The following DPP10 variants were observed in gnomAD, a reference collection of about 807,000 sequenced individuals.
DPP10 encodes dipeptidyl peptidase like 10.
DPP10 carries 33 observed loss-of-function variants against 120.9 expected under a neutral mutation model. That is an observed-to-expected ratio of 0.27 (90% confidence interval 0.21 to 0.37). The LOEUF is 0.37. Ranked by LOEUF, DPP10 falls within the 10% of genes least tolerant of loss-of-function variation. The pLI is 1.00. For missense variants in DPP10, 816 were observed against 942.8 expected (o/e 0.87, Z 1.76); for synonymous variants, 337 against 326.1 (o/e 1.03, Z -0.36).
At chr2:115,067,861 C>G (rs1209183892) in intron 1 of DPP10, among the ~76,000 whole-genome samples, 9 of 86,848 alleles carry the variant, frequency 1.0e-4, no homozygotes, top group Non-Finnish European at 2.1e-4. Flanking sequence ...GACTCTGTCT[C>G]AAAAAAAAAA....
chr2:115,719,847 A>G (rs1163965291), intron 7 of DPP10, among the ~76,000 whole-genome samples: 1 of 152,182 alleles, frequency 6.6e-6, no homozygotes, highest in Admixed American at 6.5e-5. Flanking sequence ...CATGGTGCCA[A>G]GTGCAGAAAC....
chr2:115,817,198 G>C (rs1687340087), intron 21 of DPP10, among the ~76,000 whole-genome samples: 1 of 151,874 alleles, frequency 6.6e-6, no homozygotes, highest in Admixed American at 6.6e-5. Flanking sequence ...AGTGAGCCGA[G>C]ATCGAGCCAC....
chr2:115,771,536 T>A (rs1407973067), intron 13 of DPP10, among the ~76,000 whole-genome samples: 1 of 152,228 alleles, frequency 6.6e-6, no homozygotes, highest in Non-Finnish European at 1.5e-5. Context: ...GCAGGGTATA[T>A]CCATACGAAT....
intron 1 of DPP10, among the ~76,000 whole-genome samples, chr2:115,283,800 A>G (rs1474467477): frequency 6.6e-6 from 1 of 152,060 alleles, no homozygotes; most frequent in East Asian, 1.9e-4. Context: ...TTTTATTACC[A>G]TACTTTTACT....
chr2:115,028,290 TC>T (rs1703609394), intron 1 of DPP10, among the ~76,000 whole-genome samples: 1 of 152,104 alleles, frequency 6.6e-6, no homozygotes, highest in South Asian at 2.1e-4. Context: ...ATGTTGCATC[TC>T]CATTTCCATG....
intron 1 of DPP10, among the ~76,000 whole-genome samples, chr2:115,026,949 A>G (rs1703507208): frequency 6.6e-6 from 1 of 152,146 alleles, no homozygotes; most frequent in Non-Finnish European, 1.5e-5. Context: ...CTTCCAATCC[A>G]TGAGCTTGGA....
intron 1 of DPP10, among the ~76,000 whole-genome samples, chr2:114,852,958 T>G (rs1689081742): frequency 6.6e-6 from 1 of 152,182 alleles, no homozygotes; most frequent in South Asian, 2.1e-4. Context: ...GTGATAAAAA[T>G]TCCGAACACC....
At chr2:115,174,220 G>A (rs553011524) in intron 1 of DPP10, among the ~76,000 whole-genome samples, 14 of 152,272 alleles carry the variant, frequency 9.2e-5, no homozygotes, top group African/African-American at 2.2e-4. Flanking sequence ...AGGAAGACCC[G>A]TTCCAGATCA....
At chr2:115,447,576 G>A (rs572171046) in intron 3 of DPP10, among the ~76,000 whole-genome samples, 542 of 152,216 alleles carry the variant, frequency 3.6e-3, no homozygotes, top group Admixed American at 6.8e-3. Flanking sequence ...TCATGGGTAC[G>A]GTTCCTCCCA....
chr2:115,243,013 T>C (rs2058360323), intron 1 of DPP10, among the ~76,000 whole-genome samples: 1 of 126,840 alleles, frequency 7.9e-6, no homozygotes, highest in African/African-American at 2.7e-5. Flanking sequence ...AAATAAATTA[T>C]AGTGTTTTAT....
chr2:115,756,640 C>G (rs974284608), intron 11 of DPP10, among the ~76,000 whole-genome samples: 3 of 152,042 alleles, frequency 2.0e-5, no homozygotes, highest in East Asian at 3.9e-4. Context: ...ACAAGGAGAA[C>G]TCTAGAAGCG....
chr2:114,656,582 T>C (rs1016400398), intron 1 of DPP10, among the ~76,000 whole-genome samples: 12 of 152,172 alleles, frequency 7.9e-5, no homozygotes, highest in African/African-American at 2.9e-4. Flanking sequence ...ATAATTTTCC[T>C]TACTTGTGCA....
At chr2:115,418,750 G>T (rs1333574646) in intron 3 of DPP10, among the ~76,000 whole-genome samples, 1 of 146,790 alleles carries the variant, frequency 6.8e-6, no homozygotes, top group African/African-American at 2.5e-5. Context: ...TCCAGCCTGG[G>T]TGACAGAGTG....
intron 3 of DPP10, among the ~76,000 whole-genome samples, chr2:115,493,921 G>GA (rs2076260002): frequency 6.6e-6 from 1 of 151,956 alleles, no homozygotes; most frequent in Non-Finnish European, 1.5e-5. Context: ...TAGGAACAGA[G>GA]AAAAACACCA....
At chr2:114,817,368 C>A (rs750979373) in intron 1 of DPP10, among the ~76,000 whole-genome samples, 2 of 151,734 alleles carry the variant, frequency 1.3e-5, no homozygotes, top group Non-Finnish European at 2.9e-5. Flanking sequence ...CTATGCCACT[C>A]TTATGTACAG....
Position 114,687,024 on chromosome 2 carries a change from A to G in DPP10, c.60+244186A>G, listed in dbSNP as rs537949233. 2.1e-3 allele frequency among the ~76,000 whole-genome samples: 321 copies of G among 152,120 alleles called. 2 individuals carry two copies. Among genetic ancestry groups the G allele is most frequent in the African/African-American group, 7.3e-3 (304 of 41,562 alleles). On this transcript the variant is annotated intron_variant, in intron 1 of 25. Transcript: ENST00000410059. Reference sequence around the variant, plus strand: ...CTATATGTTTAACCACATCTCAGACATGCATTATACAACAATGTTGAGAAA... The same window carrying G: ...CTATATGTTTAACCACATCTCAGACGTGCATTATACAACAATGTTGAGAAA...
At chr2:115,750,936 A>G (rs965151995) in intron 10 of DPP10, among the ~76,000 whole-genome samples, 1 of 152,142 alleles carries the variant, frequency 6.6e-6, no homozygotes, top group African/African-American at 2.4e-5. Context: ...ATTTATTTTT[A>G]AAATTATTCA....
intron 1 of DPP10, among the ~76,000 whole-genome samples, chr2:114,611,312 G>A (rs1198302865): frequency 6.6e-6 from 1 of 152,200 alleles, no homozygotes; most frequent in African/African-American, 2.4e-5. Flanking sequence ...GAAATTGGTT[G>A]AGAATATTGT....
intron 11 of DPP10, among the ~76,000 whole-genome samples, chr2:115,754,146 G>T (rs1229015819): frequency 6.6e-6 from 1 of 152,076 alleles, no homozygotes; most frequent in Non-Finnish European, 1.5e-5. Context: ...AGACCAAATG[G>T]CAAGGAGATG....
Sources: allele counts gnomAD v4.1 joint callset (sites outside exome capture counted in the v4.1 genomes callset), GRCh38; gene constraint gnomAD v4.1.1; transcripts MANE v1.5; gene names NCBI Gene and HGNC (gene_info 2026-07-23, HGNC 2026-07-21).